LMBR1: variants seen among roughly 807,000 people sequenced by gnomAD.
The protein encoded by LMBR1 is limb region 1 protein homolog.
In LMBR1, 52 loss-of-function variants were observed where a neutral mutation model predicts 73.9. The ratio of observed to expected loss-of-function variants is 0.70; its 90% confidence interval spans 0.56 to 0.89. The LOEUF (loss-of-function observed/expected upper bound fraction) is 0.89, where lower values mean the gene tolerates loss of function less well. LMBR1 is among the 40% of genes least tolerant of loss of function. LMBR1 has a pLI of 0.00. For synonymous variants in LMBR1, 215 were observed against 209.4 expected, an observed-to-expected ratio of 1.03 and a Z score of -0.23; for missense variants, 539 against 579.8, an observed-to-expected ratio of 0.93 and a Z score of 0.72.
intron 12 of LMBR1, among the ~76,000 whole-genome samples, chr7:156,726,784 T>A (rs528013443): frequency 5.3e-5 from 8 of 152,290 alleles, no homozygotes; most frequent in African/African-American, 1.9e-4. Context: ...CTCCTTCTCC[T>A]GCGAAGCAGG....
intron 8 of LMBR1, among the ~76,000 whole-genome samples, chr7:156,761,488 T>C (rs897746184): frequency 1.3e-5 from 2 of 152,176 alleles, no homozygotes; most frequent in Admixed American, 1.3e-4. Context: ...AAAGCATACA[T>C]GTAAATTTTG....
rs3735185 is a variant in LMBR1 at position 156,756,661 on chromosome 7, A to T, written c.685-196T>A. On this transcript the variant is annotated intron_variant, in intron 8 of 16. Coordinates refer to ENST00000353442, the MANE Select transcript of LMBR1 (RefSeq NM_022458.4). ...TTAGTATATAACCAAACACATCAAA[A>T]GTTATCACAAACCCTATATACATTT... 0.042 allele frequency among the ~76,000 whole-genome samples: 6,390 copies of T among 152,320 alleles called. 186 individuals carry two copies. Among genetic ancestry groups the T allele is most frequent in the Non-Finnish European group, 0.049 (3,350 of 68,030 alleles).
intron 10 of LMBR1, among the ~76,000 whole-genome samples, chr7:156,730,211 C>A (rs1816583727): frequency 1.3e-5 from 2 of 152,176 alleles, no homozygotes; most frequent in Admixed American, 1.3e-4. Flanking sequence ...AGAAGTGAAC[C>A]TGGCAGACAG....
At chr7:156,799,037 C>CAA (rs535464328) in intron 4 of LMBR1, among the ~76,000 whole-genome samples, 69 of 122,760 alleles carry the variant, frequency 5.6e-4, no homozygotes, top group Non-Finnish European at 5.6e-4. Flanking sequence ...AATAAAAATA[C>CAA]AAAAAAAAAA....
At chr7:156,832,288 T>C (rs1836829315) in intron 3 of LMBR1, among the ~76,000 whole-genome samples, 1 of 152,252 alleles carries the variant, frequency 6.6e-6, no homozygotes, top group Non-Finnish European at 1.5e-5. Flanking sequence ...AGTCATTTAT[T>C]AGCTGGGAGT....
intron 4 of LMBR1, among the ~76,000 whole-genome samples, chr7:156,814,306 TTTAGTAAGA>T (rs1224646949): frequency 2.0e-5 from 3 of 152,208 alleles, no homozygotes; most frequent in African/African-American, 7.2e-5. Flanking sequence ...AATATATTAG[TTTAGTAAGA>T]TTTTACTAAG....
At chr7:156,717,296 AG>A (rs1813423717) in intron 15 of LMBR1, among the ~76,000 whole-genome samples, 1 of 152,224 alleles carries the variant, frequency 6.6e-6, no homozygotes, top group African/African-American at 2.4e-5. Context: ...AGGGAAATAC[AG>A]GAGAGAGAGA....
rs1317875571 is a variant in LMBR1 at position 156,679,940 on chromosome 7, T to C, written c.*4138A>G. ...ACACAGAATTGGAAGTTAAATAACT[T>C]CTCTTGAAAAGGTAAGTTTATTGCC... On this transcript the variant is annotated 3_prime_UTR_variant, in exon 17 of 17. Transcript: ENST00000353442. 6.6e-6 allele frequency: 1 copy of C among 152,248 alleles called. No individual in the cohort carries two copies. Among genetic ancestry groups the C allele is most frequent in the Non-Finnish European group, 1.5e-5 (1 of 68,044 alleles). 9.4% of individuals were successfully genotyped at this position (152,248 alleles called of 1,614,324 possible). A position where few individuals can be genotyped will look rare whatever the true frequency, so the allele number is the denominator to read the frequency against.
intron 5 of LMBR1, among the ~76,000 whole-genome samples, chr7:156,770,454 TAACAA>T (rs1446302927): frequency 2.6e-5 from 4 of 151,966 alleles, no homozygotes; most frequent in Non-Finnish European, 4.4e-5. Context: ...AACTAAAAAG[TAACAA>T]AACAAGAATA....
intron 4 of LMBR1, among the ~76,000 whole-genome samples, chr7:156,812,464 G>A (rs965751305): frequency 2.6e-5 from 4 of 152,136 alleles, no homozygotes; most frequent in African/African-American, 9.7e-5. Flanking sequence ...GGTATCACAT[G>A]GAAGAGAAAA....
downstream of LMBR1, chr7:156,677,778 TG>T (rs1339528950): frequency 6.6e-6 from 1 of 152,236 alleles, no homozygotes; most frequent in African/African-American, 2.4e-5. Flanking sequence ...ATGCATATAT[TG>T]GGATGTGCTC....
chr7:156,866,877 C>T (rs949497978), intron 1 of LMBR1, among the ~76,000 whole-genome samples: 61 of 152,298 alleles, frequency 4.0e-4, no homozygotes, highest in African/African-American at 1.4e-3. Context: ...GCTGGGATTA[C>T]AGGCATGAGC....
chr7:156,731,289 A>G (rs1272779187), intron 10 of LMBR1, among the ~76,000 whole-genome samples: 1 of 152,208 alleles, frequency 6.6e-6, no homozygotes, highest in Non-Finnish European at 1.5e-5. Context: ...AGAATGAAAA[A>G]GCCTAGCATG....
chr7:156,715,203 C>T (rs745314360), intron 15 of LMBR1, among the ~76,000 whole-genome samples: 6 of 152,220 alleles, frequency 3.9e-5, no homozygotes, highest in East Asian at 1.9e-4. Context: ...CTGCCCGCTT[C>T]GGCCTCCCAA....
At chr7:156,752,882 G>A (rs1456723037) in intron 9 of LMBR1, among the ~76,000 whole-genome samples, 1 of 151,822 alleles carries the variant, frequency 6.6e-6, no homozygotes, top group Non-Finnish European at 1.5e-5. Flanking sequence ...GACCACAAAA[G>A]GGAGCTAAGA....
Position 156,888,242 on chromosome 7 carries a change from C to T in LMBR1, c.66+4686G>A, listed in dbSNP as rs189291545. ...TGGCTAACATGGTGAAACCCCGTCT[C>T]TACTAAAAATACAAAAAGTTAGCTG... On this transcript the variant is annotated intron_variant, in intron 1 of 16. Transcript: ENST00000353442. Among the ~76,000 whole-genome samples, 779 of 151,868 alleles carry T rather than the reference C, an allele frequency of 5.1e-3. 8 individuals are homozygous for T. The highest frequency in any genetic ancestry group is 9.2e-3 in the Non-Finnish European group (628 of 67,906).
chr7:156,699,481 G>A (rs1006577430), intron 15 of LMBR1, among the ~76,000 whole-genome samples: 6 of 151,560 alleles, frequency 4.0e-5, no homozygotes, highest in Non-Finnish European at 8.8e-5. Context: ...ATACCATTCA[G>A]GACATAGGCA....
chr7:156,676,743 A>G, downstream of LMBR1: 4 of 913,186 alleles, frequency 4.4e-6, no homozygotes, highest in South Asian at 5.9e-5. Context: ...GTTAAGTACT[A>G]CAATGTAATC....
At chr7:156,714,196 T>C (rs1284755544) in intron 15 of LMBR1, among the ~76,000 whole-genome samples, 1 of 152,184 alleles carries the variant, frequency 6.6e-6, no homozygotes, top group South Asian at 2.1e-4. Context: ...TCAAGGAGCG[T>C]AGAGCTTTAT....
Sources: allele counts gnomAD v4.1 joint callset (sites outside exome capture counted in the v4.1 genomes callset), GRCh38; gene constraint gnomAD v4.1.1; transcripts MANE v1.5; gene names NCBI Gene and HGNC (gene_info 2026-07-23, HGNC 2026-07-21).